The following BDNF variants were observed in gnomAD, a reference collection of about 807,000 sequenced individuals.
The protein encoded by BDNF is neurotrophic factor BDNF precursor form.
A neutral mutation model predicts 19.5 loss-of-function variants in BDNF; 1 was observed. The ratio of observed to expected loss-of-function variants is 0.05; its 90% CI spans 0.02 to 0.24. BDNF has a LOEUF of 0.24. BDNF is among the 10% of genes least tolerant of loss of function. The pLI, the probability that BDNF is intolerant of heterozygous loss-of-function variation, is 1.00. For missense variants in BDNF, 195 were observed against 317.6 expected (o/e 0.61, Z 2.93); for synonymous variants, 100 against 121.6 (o/e 0.82, Z 1.17).
intron 1 of BDNF, among the ~76,000 whole-genome samples, chr11:27,663,804 G>A (rs1853862125): frequency 6.6e-6 from 1 of 152,134 alleles, no homozygotes; most frequent in Non-Finnish European, 1.5e-5. Context: ...TGTGTGTCCT[G>A]GAACCTAACT....
chr11:27,719,142 GC>G (rs1245913211), intron 1 of BDNF, among the ~76,000 whole-genome samples: 4 of 152,214 alleles, frequency 2.6e-5, no homozygotes, highest in Admixed American at 2.0e-4. Context: ...GGGGGTGCAG[GC>G]GGGGGCGGGA....
intron 1 of BDNF, among the ~76,000 whole-genome samples, chr11:27,672,110 A>C (rs1048070149): frequency 1.3e-5 from 2 of 152,156 alleles, no homozygotes; most frequent in Non-Finnish European, 1.5e-5. Flanking sequence ...TTTTTACTTA[A>C]GTAAAATCTG....
At chr11:27,721,229 A>C (rs1860732497) in intron 1 of BDNF, among the ~76,000 whole-genome samples, 1 of 152,088 alleles carries the variant, frequency 6.6e-6, no homozygotes, top group South Asian at 2.1e-4. Flanking sequence ...ACGCAGTTCC[A>C]CATAGCTGTG....
upstream of BDNF, among the ~76,000 whole-genome samples, chr11:27,702,414 A>G (rs1257910970): frequency 2.6e-5 from 4 of 152,194 alleles, no homozygotes; most frequent in Non-Finnish European, 5.9e-5. Flanking sequence ...TTGGGGGTAC[A>G]ACACTGGGTA....
chr11:27,720,911 G>C, intron 1 of BDNF: 18 of 357,254 alleles, frequency 5.0e-5, no homozygotes, highest in East Asian at 1.6e-4. Flanking sequence ...CATTACCGGT[G>C]ATATGCACTT....
Position 27,700,410 on chromosome 11 carries a change from C to T in BDNF, c.-268G>A. The T allele has an allele frequency of 1.0e-6, 1 of 985,688 alleles. No homozygotes were observed. Among genetic ancestry groups the T allele is most frequent in the Non-Finnish European group, 1.2e-6 (1 of 830,054 alleles). The allele number at this position is 985,688 out of a possible 1,614,324, so 61.1% of individuals were successfully genotyped here. A position where few individuals can be genotyped will look rare whatever the true frequency, so the allele number is the denominator to read the frequency against. On this transcript the variant is annotated 5_prime_UTR_variant, in exon 1 of 2. Coordinates refer to ENST00000356660, the MANE Select transcript of BDNF (RefSeq NM_001709.5). ...CGGGACAGCGAGCGGGCGGGTGCGC[C>T]CGGGCGCGGCGGCGGCAGCGTCGGG...
In BDNF at chr11:27,711,835, C is replaced by T. The variant is rs1033761374; in HGVS notation, c.3+9577G>A. On this transcript the variant is annotated intron_variant, in intron 1 of 1. Transcript: ENST00000314915. ...TTTCCCATGGTGTAGTAATGACAAA[C>T]AGGAAGAGTTTCAGTAATCTCTTGG... 2.6e-5 allele frequency among the ~76,000 whole-genome samples: 4 copies of T among 152,284 alleles called. No homozygotes were observed. In the East Asian group the frequency reaches 7.7e-4, roughly 29 times the overall value.
At chr11:27,671,883 T>G (rs1445598171) in intron 1 of BDNF, among the ~76,000 whole-genome samples, 1 of 152,102 alleles carries the variant, frequency 6.6e-6, no homozygotes, top group African/African-American at 2.4e-5. Context: ...CTTATCAAAG[T>G]TGAGAAGCAC....
Position 27,655,765 on chromosome 11 carries a change from T to G in BDNF, c.*2056A>C, listed in dbSNP as rs1213184080. On this transcript the variant is annotated 3_prime_UTR_variant, in exon 2 of 2. Coordinates refer to ENST00000356660, the MANE Select transcript of BDNF (RefSeq NM_001709.5). ...CAATTGCTTGGGGCTTTCTGATACT[T>G]AAGGATGCTGGTCCAAGTGGTGATC... is the stretch of plus-strand genomic sequence containing the variant. The G allele has an allele frequency of 6.6e-6, 1 of 152,154 alleles. No homozygotes were observed. Among genetic ancestry groups the G allele is most frequent in the Admixed American group, 6.5e-5 (1 of 15,278 alleles). The allele number at this position is 152,154 out of a possible 1,614,324, so 9.4% of individuals were successfully genotyped here. A position where few individuals can be genotyped will look rare whatever the true frequency, so the allele number is the denominator to read the frequency against.
chr11:27,679,680 A>T (rs1279477927), intron 1 of BDNF, among the ~76,000 whole-genome samples: 1 of 152,196 alleles, frequency 6.6e-6, no homozygotes, highest in Non-Finnish European at 1.5e-5. Flanking sequence ...TGCATGGTTA[A>T]TCATTTAGTT....
At chr11:27,716,456 GACAC>G (rs61227267) in intron 1 of BDNF, among the ~76,000 whole-genome samples, 11,668 of 146,868 alleles carry the variant, frequency 0.079, 625 homozygotes, top group Non-Finnish European at 0.11. Context: ...CACACACACA[GACAC>G]ACACACACAC....
chr11:27,668,467 C>T (rs1040641619), intron 1 of BDNF, among the ~76,000 whole-genome samples: 4 of 151,972 alleles, frequency 2.6e-5, no homozygotes, highest in Non-Finnish European at 4.4e-5. Context: ...TCAATGAACC[C>T]AGGAGCTGGT....
intron 1 of BDNF, among the ~76,000 whole-genome samples, chr11:27,711,318 A>T (rs193067038): frequency 6.6e-6 from 1 of 152,356 alleles, no homozygotes; most frequent in Admixed American, 6.5e-5. Flanking sequence ...ATATGATCCT[A>T]ACAAAACATT....
chr11:27,674,685 C>A (rs1403722332), intron 1 of BDNF: 2 of 985,270 alleles, frequency 2.0e-6, no homozygotes, highest in Non-Finnish European at 2.4e-6. Flanking sequence ...GTACTGTGAA[C>A]AACAGGACTG....
At chr11:27,721,541 C>T in exon 1 of BDNF, 3 of 989,186 alleles carry the variant, frequency 3.0e-6, no homozygotes, top group African/African-American at 1.6e-5. Context: ...GGATCGCCCA[C>T]CACTTGGTGT....
chr11:27,702,270 T>A (rs905660342), upstream of BDNF, among the ~76,000 whole-genome samples: 5 of 152,188 alleles, frequency 3.3e-5, no homozygotes, highest in African/African-American at 1.2e-4. Context: ...TGGGTGAGTG[T>A]TAAAATGAAG....
chr11:27,698,940 C>T (rs1398858873), intron 1 of BDNF, among the ~76,000 whole-genome samples: 1 of 152,126 alleles, frequency 6.6e-6, no homozygotes, highest in Non-Finnish European at 1.5e-5. Context: ...GGAAAACTTG[C>T]ATAGAAGCCA....
At chr11:27,700,457 C>T (rs1195840660), upstream of BDNF, 1 of 983,982 alleles carries the variant, frequency 1.0e-6, no homozygotes, top group East Asian at 1.2e-4. Context: ...CCAGGCTGCG[C>T]CTTGCGCCCG....
intron 1 of BDNF, among the ~76,000 whole-genome samples, chr11:27,694,586 C>CTTTTTT (rs34321446): frequency 1.2e-4 from 15 of 123,582 alleles, no homozygotes; most frequent in African/African-American, 4.6e-4. Flanking sequence ...GGTTCCATAA[C>CTTTTTT]TTTTTTTTTT....
Sources: gnomAD v4.1 joint callset for allele counts (sites outside exome capture counted in the v4.1 genomes callset) on GRCh38, gnomAD v4.1.1 for gene constraint, MANE v1.5 for transcripts, NCBI Gene and HGNC (gene_info 2026-07-23, HGNC 2026-07-21) for gene names.